Variants in DCAF8 observed in about 807,000 individuals in gnomAD.
DCAF8 encodes DDB1 and CUL4 associated factor 8, also known as DDB1- and CUL4-associated factor 8.
A neutral mutation model predicts 68.0 loss-of-function variants in DCAF8; 20 were observed. That is an observed-to-expected ratio of 0.29 (90% CI 0.21 to 0.43). The LOEUF is 0.43. DCAF8 is among the 20% of genes least tolerant of loss of function. DCAF8 has a pLI of 1.00. For missense variants in DCAF8, 460 were observed against 771.0 expected (o/e 0.60, Z 4.78); for synonymous variants, 230 against 276.9 (o/e 0.83, Z 1.68).
intron 2 of DCAF8, among the ~76,000 whole-genome samples, chr1:160,254,237 G>A (rs527442078): frequency 2.0e-5 from 3 of 151,754 alleles, no homozygotes; most frequent in South Asian, 4.2e-4. Context: ...CAGAAGAATC[G>A]CATGAAACTG....
At chr1:160,234,783 C>T (rs1217693653) in intron 6 of DCAF8, among the ~76,000 whole-genome samples, 4 of 152,048 alleles carry the variant, frequency 2.6e-5, no homozygotes, top group Admixed American at 2.6e-4. Flanking sequence ...AAATGATTTC[C>T]TCAAAGTCAG....
At chr1:160,222,538 A>G (rs1571080137) in intron 11 of DCAF8, 113 bp downstream of exon 11, 11 of 1,415,326 alleles carry the variant, frequency 7.8e-6, no homozygotes, top group East Asian at 2.3e-5. Context: ...GGCTGGCTGG[A>G]CCTCTAAAAC....
At chr1:160,232,051 C>T (rs1435275222) in intron 6 of DCAF8, among the ~76,000 whole-genome samples, 4 of 151,936 alleles carry the variant, frequency 2.6e-5, no homozygotes, top group African/African-American at 9.7e-5. Flanking sequence ...ATTAGCCAGG[C>T]GTGGTGGCGC....
At chr1:160,247,824 A>G (rs549043635) in intron 2 of DCAF8, among the ~76,000 whole-genome samples, 2 of 152,348 alleles carry the variant, frequency 1.3e-5, no homozygotes, top group African/African-American at 4.8e-5. Context: ...ACCTCAATCC[A>G]TACATTGTAC....
At chr1:160,241,209 C>T (rs1656101865) in intron 3 of DCAF8, among the ~76,000 whole-genome samples, 1 of 152,116 alleles carries the variant, frequency 6.6e-6, no homozygotes, top group African/African-American at 2.4e-5. Flanking sequence ...TTCTTCCCCA[C>T]CTAAGTTTCT....
intron 6 of DCAF8, among the ~76,000 whole-genome samples, chr1:160,231,845 A>G (rs1390944404): frequency 6.6e-6 from 1 of 152,228 alleles, no homozygotes; most frequent in Non-Finnish European, 1.5e-5. Context: ...TCCCAGAAAC[A>G]GTAGGCTAAA....
intron 2 of DCAF8, 41 bp from the exon 3 acceptor site, chr1:160,244,075 C>T (rs2101748917): frequency 6.9e-7 from 1 of 1,458,922 alleles, no homozygotes; most frequent in East Asian, 2.3e-5. Context: ...ATTAGGAAAC[C>T]ACCTGGGAAA....
chr1:160,243,696 C>G (rs1400600122), intron 3 of DCAF8, among the ~76,000 whole-genome samples: 1 of 152,128 alleles, frequency 6.6e-6, no homozygotes, highest in Non-Finnish European at 1.5e-5. Flanking sequence ...TCTGCCCATC[C>G]TTATAGCTTT....
intron 7 of DCAF8, among the ~76,000 whole-genome samples, chr1:160,226,368 C>T (rs761912048): frequency 2.1e-4 from 32 of 152,128 alleles, no homozygotes; most frequent in Non-Finnish European, 4.0e-4. Context: ...AAGACTCCCT[C>T]TCCTTTCCTC....
intron 6 of DCAF8, among the ~76,000 whole-genome samples, chr1:160,233,801 T>C (rs967555164): frequency 1.3e-5 from 2 of 152,098 alleles, no homozygotes; most frequent in Non-Finnish European, 2.9e-5. Flanking sequence ...AAAACAAACA[T>C]TTCTCCCTCC....
chr1:160,225,195 T>C (rs1355436271), intron 8 of DCAF8, 76 bp from the exon 9 acceptor site: 1 of 1,377,472 alleles, frequency 7.3e-7, no homozygotes, highest in African/African-American at 1.4e-5. Flanking sequence ...CAGCTTTTCC[T>C]TCAAACTCCC....
At chr1:160,237,092 G>T (rs371277260) in intron 6 of DCAF8, 43 bp downstream of exon 6, 2 of 1,377,738 alleles carry the variant, frequency 1.5e-6, no homozygotes, top group African/African-American at 1.4e-5. Flanking sequence ...TATGTTCAAG[G>T]CTAAGAGATA....
At chr1:160,251,459 A>G (rs560164354) in intron 2 of DCAF8, among the ~76,000 whole-genome samples, 2 of 152,180 alleles carry the variant, frequency 1.3e-5, no homozygotes, top group Admixed American at 1.3e-4. Context: ...ACACTCTAAT[A>G]GCATAGTGGT....
At chr1:160,234,024 A>G (rs1571090518) in intron 6 of DCAF8, among the ~76,000 whole-genome samples, 2 of 152,174 alleles carry the variant, frequency 1.3e-5, no homozygotes, top group African/African-American at 4.8e-5. Flanking sequence ...TTTGAAGAAT[A>G]CCTCAAACTG....
At chr1:160,228,587 A>C (rs1655555809) in intron 7 of DCAF8, among the ~76,000 whole-genome samples, 1 of 150,190 alleles carries the variant, frequency 6.7e-6, no homozygotes, top group Non-Finnish European at 1.5e-5. Context: ...GTAGGGACTC[A>C]CACCTATACC....
At chr1:160,218,497 G>C in intron 12 of DCAF8, 57 bp from the exon 13 acceptor site, 7 of 1,278,104 alleles carry the variant, frequency 5.5e-6, no homozygotes, top group Non-Finnish European at 8.0e-6. Flanking sequence ...CCCGGGACCT[G>C]ATCAAGAAGG....
rs138523324 is a variant in DCAF8 at position 160,259,612 on chromosome 1, C to T, written c.-27+1673G>A. ...CACTTTTAAAAAAAGAGACCTTTTC[C>T]TCATACAGTTCTTTGATAATTTGTT... On this transcript the variant is annotated intron_variant, in intron 2 of 13. Coordinates refer to ENST00000368074, the MANE Select transcript of DCAF8 (RefSeq NM_015726.4). Among the ~76,000 whole-genome samples the T allele has an allele frequency of 7.6e-4, 116 of 152,252 alleles. 1 individual carries two copies. Among genetic ancestry groups the T allele is most frequent in the African/African-American group, 2.7e-3 (111 of 41,556 alleles).
intron 4 of DCAF8, chr1:160,239,468 G>A (rs1219224381): frequency 6.9e-7 from 1 of 1,445,338 alleles, no homozygotes; most frequent in Non-Finnish European, 9.1e-7. Flanking sequence ...CATTTAATAA[G>A]CTGCATGCAC....
chr1:160,230,058 G>A (rs1264166990), intron 7 of DCAF8, among the ~76,000 whole-genome samples: 1 of 152,036 alleles, frequency 6.6e-6, no homozygotes, highest in Non-Finnish European at 1.5e-5. Flanking sequence ...TTTAAGGACT[G>A]TTGGTGACTA....
Sources: gnomAD v4.1 joint callset for allele counts (sites outside exome capture counted in the v4.1 genomes callset) on GRCh38, gnomAD v4.1.1 for gene constraint, MANE v1.5 for transcripts, NCBI Gene and HGNC (gene_info 2026-07-23, HGNC 2026-07-21) for gene names.